The following MKLN1 variants were observed in gnomAD, a reference collection of about 807,000 sequenced individuals.
MKLN1 encodes muskelin.
MKLN1 carries 18 observed loss-of-function variants against 99.0 expected under a neutral mutation model. The observed-to-expected ratio is 0.18, with a 90% CI of 0.13 to 0.27. The LOEUF (loss-of-function observed/expected upper bound fraction) is 0.27. MKLN1 is among the 10% of genes least tolerant of loss of function. The pLI, the probability that MKLN1 is intolerant of heterozygous loss-of-function variation, is 1.00. For missense variants in MKLN1, 621 were observed against 875.9 expected, an observed-to-expected ratio of 0.71 and a Z score of 3.67; for synonymous variants, 288 against 293.2, an observed-to-expected ratio of 0.98 and a Z score of 0.18.
chr7:131,452,739 C>T (rs980896437), intron 12 of MKLN1, among the ~76,000 whole-genome samples: 3 of 151,850 alleles, frequency 2.0e-5, no homozygotes, highest in Middle Eastern at 3.4e-3. Context: ...TTAATAGAGA[C>T]GGGGTTTCAT....
At chr7:131,282,762 A>G (rs1798070698) in intron 3 of MKLN1, among the ~76,000 whole-genome samples, 1 of 152,180 alleles carries the variant, frequency 6.6e-6, no homozygotes, top group Non-Finnish European at 1.5e-5. Flanking sequence ...GATCATCAGA[A>G]TCTCTTGGCA....
At chr7:131,190,832 G>T (rs1369935600) in intron 2 of MKLN1, among the ~76,000 whole-genome samples, 2 of 152,142 alleles carry the variant, frequency 1.3e-5, no homozygotes, top group Admixed American at 6.6e-5. Context: ...AGTGGAAAAT[G>T]GATGGATAAC....
At chr7:131,297,816 A>C (rs1437765833) in intron 3 of MKLN1, among the ~76,000 whole-genome samples, 1 of 152,186 alleles carries the variant, frequency 6.6e-6, no homozygotes, top group Non-Finnish European at 1.5e-5. Context: ...AGAACCTAGG[A>C]AGATTTGATC....
intron 3 of MKLN1, among the ~76,000 whole-genome samples, chr7:131,227,799 C>T (rs560928722): frequency 6.6e-6 from 1 of 152,104 alleles, no homozygotes; most frequent in Non-Finnish European, 1.5e-5. Context: ...CTCCTGGCCT[C>T]AAGGAATCTG....
chr7:131,142,834 A>C (rs1563229734), exon 2 of MKLN1: 1 of 1,100,368 alleles, frequency 9.1e-7, no homozygotes, highest in East Asian at 5.9e-5. Context: ...CCATATCCAG[A>C]CTCTCAAACC....
chr7:131,240,720 A>C (rs1029412938), intron 3 of MKLN1, among the ~76,000 whole-genome samples: 2 of 152,256 alleles, frequency 1.3e-5, no homozygotes, highest in African/African-American at 4.8e-5. Context: ...TATTAATATC[A>C]GAATTTTTAT....
At chr7:131,167,671 C>CAAAAAA (rs59503509) in intron 2 of MKLN1, among the ~76,000 whole-genome samples, 4 of 116,108 alleles carry the variant, frequency 3.4e-5, no homozygotes, top group African/African-American at 1.0e-4. Flanking sequence ...GACTCTGTCT[C>CAAAAAA]AAAAAAAAAA....
At chr7:131,462,701 T>G (rs1796550952) in intron 12 of MKLN1, among the ~76,000 whole-genome samples, 1 of 152,204 alleles carries the variant, frequency 6.6e-6, no homozygotes, top group Non-Finnish European at 1.5e-5. Flanking sequence ...TCTTTCCTTG[T>G]GGAGCTCATA....
chr7:131,426,121 G>A (rs906012071), intron 8 of MKLN1, among the ~76,000 whole-genome samples: 19 of 152,140 alleles, frequency 1.2e-4, no homozygotes, highest in African/African-American at 4.1e-4. Flanking sequence ...TGCTTACTGC[G>A]TGCCAGATTT....
At chr7:131,427,593 C>A (rs574386628) in intron 8 of MKLN1, among the ~76,000 whole-genome samples, 1 of 152,006 alleles carries the variant, frequency 6.6e-6, no homozygotes, top group South Asian at 2.1e-4. Context: ...CACACTGTCA[C>A]CCCAGGCTGG....
intron 8 of MKLN1, among the ~76,000 whole-genome samples, chr7:131,425,683 AAGGGG>A (rs1795338843): frequency 6.6e-6 from 1 of 152,188 alleles, no homozygotes; most frequent in African/African-American, 2.4e-5. Flanking sequence ...AGAAGGGGTG[AAGGGG>A]TTGCTCCTTG....
intron 2 of MKLN1, among the ~76,000 whole-genome samples, chr7:131,196,535 T>A (rs917051902): frequency 1.3e-5 from 2 of 152,172 alleles, no homozygotes; most frequent in Non-Finnish European, 2.9e-5. Context: ...TCATTTTTTT[T>A]TTTCCAAAAC....
intron 1 of MKLN1, among the ~76,000 whole-genome samples, chr7:131,333,230 G>A (rs1364163201): frequency 6.6e-6 from 1 of 151,246 alleles, no homozygotes; most frequent in Non-Finnish European, 1.5e-5. Context: ...AGCCAACCAT[G>A]CCTGGCTAAT....
chr7:131,178,896 T>C (rs1380897295), intron 2 of MKLN1, among the ~76,000 whole-genome samples: 2 of 152,330 alleles, frequency 1.3e-5, no homozygotes, highest in African/African-American at 2.4e-5. Context: ...ACATTTTTAG[T>C]GGTAACTGAT....
intron 3 of MKLN1, among the ~76,000 whole-genome samples, chr7:131,274,964 A>G (rs1797938639): frequency 6.6e-6 from 1 of 152,188 alleles, no homozygotes; most frequent in Non-Finnish European, 1.5e-5. Flanking sequence ...CTCATTAGTA[A>G]CATTCTGTTA....
In MKLN1 at chr7:131,485,922, GTAT is replaced by G. The variant is rs370029740; in HGVS notation, c.2087-1680_2087-1678del. On this transcript the variant is annotated intron_variant, in intron 17 of 17. Coordinates refer to ENST00000352689, the MANE Select transcript of MKLN1 (RefSeq NM_013255.5). ...TAAAAAAGTGACTGAAAAATAACTG[GTAT>G]TATTGGGACATCAATGTTAAATTTC... Among the ~76,000 whole-genome samples the G allele has an allele frequency of 5.7e-4, 87 of 152,074 alleles. 1 individual carries two copies. The East Asian group carries it at 0.012, about 21-fold the overall frequency.
chr7:131,359,956 C>G (rs1201128663), intron 1 of MKLN1, among the ~76,000 whole-genome samples: 1 of 151,886 alleles, frequency 6.6e-6, no homozygotes. Flanking sequence ...ACCATGTTGG[C>G]GAGGCTGGTC....
At chr7:131,396,523 G>A (rs1488793125) in intron 4 of MKLN1, among the ~76,000 whole-genome samples, 1 of 152,110 alleles carries the variant, frequency 6.6e-6, no homozygotes, top group Non-Finnish European at 1.5e-5. Context: ...TCTGACTTGA[G>A]TGGGAATATT....
chr7:131,286,440 GT>G (rs996825857), intron 3 of MKLN1, among the ~76,000 whole-genome samples: 3 of 150,716 alleles, frequency 2.0e-5, no homozygotes, highest in Non-Finnish European at 4.4e-5. Flanking sequence ...ATGTAGCTTT[GT>G]TTTTTTTTCC....
Sources: gnomAD v4.1 joint callset for allele counts (sites outside exome capture counted in the v4.1 genomes callset) on GRCh38, gnomAD v4.1.1 for gene constraint, MANE v1.5 for transcripts, NCBI Gene and HGNC (gene_info 2026-07-23, HGNC 2026-07-21) for gene names.